INTS7: variants seen among roughly 807,000 people sequenced by gnomAD.
INTS7 encodes integrator complex subunit 7, also known as chromosome 1 open reading frame 73.
INTS7 carries 46 observed loss-of-function variants against 109.2 expected under a neutral mutation model. That is an observed-to-expected ratio of 0.42 (90% CI 0.33 to 0.54). The LOEUF is 0.54. Ranked by LOEUF, INTS7 falls within the 20% of genes least tolerant of loss-of-function variation. The pLI is 0.07. For missense variants in INTS7, 929 were observed against 1,132.4 expected (o/e 0.82, Z 2.58); for synonymous variants, 412 against 402.9 (o/e 1.02, Z -0.27).
At chr1:212,001,228 C>A (rs12062813) in intron 7 of INTS7, among the ~76,000 whole-genome samples, 2 of 152,010 alleles carry the variant, frequency 1.3e-5, no homozygotes, top group African/African-American at 4.8e-5. Flanking sequence ...CCATCACGCC[C>A]GGCTAATTTT....
At chr1:212,025,131 A>T (rs1244420033) in intron 1 of INTS7, among the ~76,000 whole-genome samples, 1 of 152,228 alleles carries the variant, frequency 6.6e-6, no homozygotes, top group Admixed American at 6.5e-5. Context: ...TTCTTTCTGT[A>T]TGGTAATAAA....
At chr1:211,974,725 G>A (rs185028691) in intron 13 of INTS7, among the ~76,000 whole-genome samples, 3 of 152,116 alleles carry the variant, frequency 2.0e-5, no homozygotes, top group East Asian at 1.9e-4. Context: ...GGAGTAGGAG[G>A]ATACCACAGA....
At position 212,011,669 on chromosome 1, in the gene INTS7, G is replaced by T. The variant is rs546226188; in HGVS notation, c.510-248C>A. 11 of 387,676 alleles carry T rather than the reference G, an allele frequency of 2.8e-5. No homozygotes were observed. The East Asian group carries it at 4.0e-4, about 14-fold the overall frequency. The allele number at this position is 387,676 out of a possible 1,614,324, so 24.0% of individuals were successfully genotyped here. On this transcript the variant is annotated intron_variant, in intron 4 of 19. Coordinates refer to ENST00000366994, the MANE Select transcript of INTS7 (RefSeq NM_015434.4). Reference sequence around the variant, plus strand: ...TCACTTAGGCCATTACCACAATACAGTGTTATTTTTTCATAACACTAACAA... The same window carrying T: ...TCACTTAGGCCATTACCACAATACATTGTTATTTTTTCATAACACTAACAA...
In INTS7 at chr1:211,994,937, CAA is replaced by C. The variant is rs371316270; in HGVS notation, c.880-6936_880-6935del. On this transcript the variant is annotated intron_variant, in intron 7 of 19. Transcript: ENST00000366994. ...TAATTGTTAATGTGGTTGTAAAGCT[CAA>C]TGCAAATATTATTTTTAAAAATTAT... 3.3e-4 allele frequency among the ~76,000 whole-genome samples: 50 copies of C among 151,574 alleles called. No individual in the cohort carries two copies. The East Asian group carries it at 6.8e-3, about 21-fold the overall frequency.
Position 212,007,296 on chromosome 1 carries a change from G to C in INTS7, c.710C>G (p.Thr237Ser). The change falls in exon 6 of 20, where the codon ACT becomes AGT. Residue 237 changes from threonine (T) to serine (S), a missense_variant. Physicochemically the swap from Thr to Ser is moderately conservative, Grantham distance 58. This residue lies in a region of INTS7 where 787 missense variants were observed against 901.1 expected (regional missense o/e 0.87). Coordinates refer to ENST00000366994, the MANE Select transcript of INTS7 (RefSeq NM_015434.4). The stretch of plus-strand genomic sequence containing the variant: ...AGATGACGCTGCAAGCAGAGTGAAA[G>C]TGTGCAAAGACACAATCACCATTTT... ...STKMVIVSLHTFTLLAASSLV... is the reference protein window; with the variant it reads ...STKMVIVSLHSFTLLAASSLV... 6.2e-7 allele frequency: 1 copy of C among 1,614,004 alleles called. No homozygotes were observed. Among genetic ancestry groups the C allele is most frequent in the South Asian group, 1.1e-5 (1 of 91,080 alleles).
intron 6 of INTS7, 77 bp downstream of exon 6, chr1:212,007,173 C>A: frequency 1.9e-6 from 2 of 1,037,394 alleles, no homozygotes; most frequent in Admixed American, 2.1e-5. Flanking sequence ...GACTTGTGGG[C>A]CACTTTCTTA....
At chr1:211,950,985 AC>A (rs1663058217) in intron 17 of INTS7, among the ~76,000 whole-genome samples, 1 of 152,246 alleles carries the variant, frequency 6.6e-6, no homozygotes. Flanking sequence ...TCACTGTCAA[AC>A]AGCTGTCAAT....
chr1:212,014,696 G>A lies in INTS7; in HGVS notation c.509+2190C>T, dbSNP rs184009202. ...AAGTGCCTGGGATTGCAGGTGCGCC[G>A]CCACGCCTGACTGGTTTTTGTATTT... On this transcript the variant is annotated intron_variant, in intron 4 of 19. Transcript: ENST00000366994. Among the ~76,000 whole-genome samples the A allele has an allele frequency of 1.9e-3, 280 of 148,192 alleles. 2 individuals carry two copies. Among genetic ancestry groups the A allele is most frequent in the African/African-American group, 6.5e-3 (270 of 41,284 alleles).
intron 7 of INTS7, among the ~76,000 whole-genome samples, chr1:211,989,500 A>G (rs758163757): frequency 3.3e-5 from 5 of 152,180 alleles, no homozygotes; most frequent in Non-Finnish European, 5.9e-5. Flanking sequence ...ATCATATAAC[A>G]TCAATTAAGG....
intron 12 of INTS7, among the ~76,000 whole-genome samples, chr1:211,975,907 C>CAGGT (rs1664397248): frequency 6.6e-6 from 1 of 152,070 alleles, no homozygotes; most frequent in Non-Finnish European, 1.5e-5. Flanking sequence ...GCACTTCAAT[C>CAGGT]ACCTAGAGTA....
chr1:212,012,145 G>A (rs189039394), intron 4 of INTS7, among the ~76,000 whole-genome samples: 157 of 152,204 alleles, frequency 1.0e-3, no homozygotes, highest in African/African-American at 3.7e-3. Context: ...GCCACTAGGG[G>A]ACACTGCTCT....
intron 1 of INTS7, among the ~76,000 whole-genome samples, chr1:212,028,175 C>T (rs1296895223): frequency 6.6e-6 from 1 of 152,162 alleles, no homozygotes; most frequent in African/African-American, 2.4e-5. Context: ...ACTTATTTAA[C>T]TAGCCTGCCC....
At chr1:211,993,776 C>CA (rs1307358664) in intron 7 of INTS7, among the ~76,000 whole-genome samples, 3 of 150,744 alleles carry the variant, frequency 2.0e-5, no homozygotes, top group African/African-American at 4.9e-5. Flanking sequence ...AGCATGGCAT[C>CA]AAAAAAATCT....
Position 211,946,416 on chromosome 1 carries a change from C to T in INTS7, c.2415+191G>A, listed in dbSNP as rs1189647695. 6.6e-6 allele frequency among the ~76,000 whole-genome samples: 1 copy of T among 152,072 alleles called. No homozygotes were observed. Among genetic ancestry groups the T allele is most frequent in the Non-Finnish European group, 1.5e-5 (1 of 68,000 alleles). ...GAGAATCGCTTGAACCCGGAGGTTG[C>T]GGTGAGCCAAAATCACACCACTGTA... On this transcript the variant is annotated intron_variant, in intron 18 of 19. Transcript: ENST00000366994. This position sits in a 1 kb window ranked among gnomAD's most constrained non-coding sequence, Gnocchi z 4.3.
chr1:211,999,115 A>C (rs1665544091), intron 7 of INTS7, among the ~76,000 whole-genome samples: 1 of 152,226 alleles, frequency 6.6e-6, no homozygotes, highest in Non-Finnish European at 1.5e-5. Context: ...TTTACCACAC[A>C]ACCCAGCAAT....
At chr1:211,956,728 C>T (rs185770718) in intron 16 of INTS7, among the ~76,000 whole-genome samples, 7 of 152,148 alleles carry the variant, frequency 4.6e-5, no homozygotes, top group East Asian at 1.9e-4. Context: ...TCGGAGGGCA[C>T]GCATGGTTTC....
chr1:211,985,641 G>A lies in INTS7; in HGVS notation c.997+2245C>T, dbSNP rs551517167. Reference sequence around the variant, plus strand: ...AGTTATTGTGCATGTAAGTCAGTTTGGTACAAAAAAGAGAATTCTGAGTCA... The same window carrying A: ...AGTTATTGTGCATGTAAGTCAGTTTAGTACAAAAAAGAGAATTCTGAGTCA... On this transcript the variant is annotated intron_variant, in intron 8 of 19. Transcript: ENST00000366994. Among the ~76,000 whole-genome samples, 42 of 152,268 alleles carry A rather than the reference G, an allele frequency of 2.8e-4. 1 individual carries two copies. In the South Asian group the frequency reaches 5.0e-3, roughly 18 times the overall value.
At chr1:211,997,209 C>T (rs974677440) in intron 7 of INTS7, among the ~76,000 whole-genome samples, 2 of 151,558 alleles carry the variant, frequency 1.3e-5, no homozygotes, top group Non-Finnish European at 2.9e-5. Flanking sequence ...CAAAACAAAA[C>T]AAAAATACCA....
intron 14 of INTS7, among the ~76,000 whole-genome samples, chr1:211,968,226 A>G (rs533086484): frequency 2.6e-5 from 4 of 152,326 alleles, no homozygotes; most frequent in Non-Finnish European, 5.9e-5. Context: ...TTTGTATTTT[A>G]GCGTCTTCAA....
Sources: gnomAD v4.1 joint callset for allele counts (sites outside exome capture counted in the v4.1 genomes callset) on GRCh38, gnomAD v4.1.1 for gene constraint, gnomAD v4.1.1 regional missense constraint, Gnocchi (gnomAD v3.1) non-coding constraint, MANE v1.5 for transcripts, NCBI Gene and HGNC (gene_info 2026-07-23, HGNC 2026-07-21) for gene names.